NDFIP1: variants seen among roughly 807,000 people sequenced by gnomAD.
The protein encoded by NDFIP1 is NEDD4 family-interacting protein 1.
In NDFIP1, 7 loss-of-function variants were observed where a neutral mutation model predicts 28.8. The ratio of observed to expected loss-of-function variants is 0.24; its 90% confidence interval spans 0.14 to 0.46. NDFIP1 has a LOEUF of 0.46. Among genes scored for constraint, NDFIP1 ranks in the 20% least tolerant of loss-of-function variants. NDFIP1 has a pLI of 0.99. For synonymous variants in NDFIP1, 92 were observed against 101.0 expected (o/e 0.91, Z 0.53); for missense variants, 194 against 269.1 (o/e 0.72, Z 1.95).
At chr5:142,142,940 A>ATAT (rs1554092158) in intron 6 of NDFIP1, 13 of 38,150 alleles carry the variant, frequency 3.4e-4, no homozygotes, top group African/African-American at 1.3e-3. Flanking sequence ...AAAAAAAAAA[A>ATAT]ATATATATAT....
At chr5:142,119,319 A>C (rs1294098092) in intron 1 of NDFIP1, among the ~76,000 whole-genome samples, 1 of 152,190 alleles carries the variant, frequency 6.6e-6, no homozygotes. Context: ...TTATTAACCC[A>C]CACCCCTGTG....
chr5:142,113,479 GCCTACATGGT>G (rs1267958765), intron 1 of NDFIP1, among the ~76,000 whole-genome samples: 41 of 152,260 alleles, frequency 2.7e-4, no homozygotes, highest in Admixed American at 1.8e-3. Context: ...TGTATTTGTG[GCCTACATGGT>G]CAGTGATCAA....
At chr5:142,124,158 CT>C (rs1291574377) in intron 1 of NDFIP1, among the ~76,000 whole-genome samples, 1 of 152,134 alleles carries the variant, frequency 6.6e-6, no homozygotes, top group East Asian at 1.9e-4. Context: ...TTGATAATAT[CT>C]TGGTGGAGCC....
At chr5:142,128,004 A>G (rs1407135419) in intron 1 of NDFIP1, among the ~76,000 whole-genome samples, 1 of 152,176 alleles carries the variant, frequency 6.6e-6, no homozygotes, top group African/African-American at 2.4e-5. Flanking sequence ...CAGAAATTAT[A>G]TGACAGGAAA....
rs1038013205 is a variant in NDFIP1, at chr5:142,114,385, G to A, written c.63+5348G>A. On this transcript the variant is annotated intron_variant, in intron 1 of 7. Coordinates refer to ENST00000253814, the MANE Select transcript of NDFIP1 (RefSeq NM_030571.4). ...TTCTTTAGAGAAAATGTGTATTCAT[G>A]TTCTTTGTTCATTTTTGAATTGAGT... 2.6e-5 allele frequency among the ~76,000 whole-genome samples: 4 copies of A among 152,074 alleles called. No homozygotes were observed. The South Asian group carries it at 8.3e-4, about 31-fold the overall frequency.
At chr5:142,122,007 C>A (rs1356515858) in intron 1 of NDFIP1, among the ~76,000 whole-genome samples, 1 of 152,182 alleles carries the variant, frequency 6.6e-6, no homozygotes, top group Admixed American at 6.5e-5. Context: ...CACTATTCCT[C>A]GTACAGTCTT....
chr5:142,153,537 G>A lies in NDFIP1; in HGVS notation c.*1809G>A. 1 of 337,174 alleles carries A rather than the reference G, an allele frequency of 3.0e-6. No homozygotes were observed. Among genetic ancestry groups the A allele is most frequent in the Non-Finnish European group, 6.1e-6 (1 of 163,494 alleles). 20.9% of individuals were successfully genotyped at this position (337,174 alleles called of 1,614,324 possible). A position where few individuals can be genotyped will look rare whatever the true frequency, so the allele number is the denominator to read the frequency against. On this transcript the variant is annotated 3_prime_UTR_variant, in exon 8 of 8. Coordinates refer to ENST00000253814, the MANE Select transcript of NDFIP1 (RefSeq NM_030571.4). ...AGTTTATGGATTATTATGAATAATAGTGTAGTGTGTTCTTTTTCAGAAGTT... is the reference window on the plus strand; with the variant it reads ...AGTTTATGGATTATTATGAATAATAATGTAGTGTGTTCTTTTTCAGAAGTT...
intron 1 of NDFIP1, among the ~76,000 whole-genome samples, chr5:142,121,005 T>G (rs1757117378): frequency 6.6e-6 from 1 of 152,196 alleles, no homozygotes; most frequent in Non-Finnish European, 1.5e-5. Context: ...TTGGAACTTC[T>G]CACTATCAGA....
chr5:142,151,259 G>A (rs1757444103), intron 7 of NDFIP1, among the ~76,000 whole-genome samples: 1 of 152,182 alleles, frequency 6.6e-6, no homozygotes, highest in Non-Finnish European at 1.5e-5. Flanking sequence ...CTCGGTTGAG[G>A]TATAGCATGA....
chr5:142,139,229 A>T (rs532539162), intron 5 of NDFIP1, among the ~76,000 whole-genome samples: 1 of 152,152 alleles, frequency 6.6e-6, no homozygotes, highest in African/African-American at 2.4e-5. Flanking sequence ...CAAAAAAAAA[A>T]AAAAAGTTAA....
intron 1 of NDFIP1, among the ~76,000 whole-genome samples, chr5:142,115,705 C>G (rs1242504228): frequency 6.6e-6 from 1 of 152,040 alleles, no homozygotes; most frequent in East Asian, 1.9e-4. Context: ...ATAAGCTAGG[C>G]AACTGGCAAA....
rs1276674875 is a variant in NDFIP1, at chr5:142,132,300, G to C, written c.240G>C (p.Glu80Asp). 6.2e-7 allele frequency: 1 copy of C among 1,614,196 alleles called. No individual in the cohort carries two copies. Among genetic ancestry groups the C allele is most frequent in the South Asian group, 1.1e-5 (1 of 91,078 alleles). Residue 80 changes from glutamate (E) to aspartate (D), a missense_variant, in exon 3 of 8, where the codon GAG becomes GAC. Coordinates refer to ENST00000253814, the MANE Select transcript of NDFIP1 (RefSeq NM_030571.4). The part of the protein sequence containing the change: ...ATTLPSYDEA[E>D]RTKAEATIPL... ...CACTGCCCAGTTATGATGAAGCGGA[G>C]AGGACCAAGGCTGAAGCTACTATCC...
At chr5:142,124,922 T>G (rs969556425) in intron 1 of NDFIP1, among the ~76,000 whole-genome samples, 4 of 151,582 alleles carry the variant, frequency 2.6e-5, no homozygotes, top group African/African-American at 9.7e-5. Flanking sequence ...ACCTCCCGGG[T>G]TCACACCATT....
Position 142,152,401 on chromosome 5 carries a change from T to A in NDFIP1, c.*673T>A, listed in dbSNP as rs1757455877. The A allele has an allele frequency of 6.6e-6, 1 of 152,342 alleles. No homozygotes were observed. The highest frequency in any genetic ancestry group is 2.4e-5 in the African/African-American group (1 of 41,440). 9.4% of individuals were successfully genotyped at this position (152,342 alleles called of 1,614,324 possible). A position where few individuals can be genotyped will look rare whatever the true frequency, so the allele number is the denominator to read the frequency against. ...AGGGATTCTAAAGGTGTTGTCACTG[T>A]ATAAAACAGAAAGCACTAGGATACA... is the stretch of plus-strand genomic sequence containing the variant. On this transcript the variant is annotated 3_prime_UTR_variant, in exon 8 of 8. Transcript: ENST00000253814.
intron 1 of NDFIP1, among the ~76,000 whole-genome samples, chr5:142,120,112 T>C (rs1207046602): frequency 6.6e-6 from 1 of 152,118 alleles, no homozygotes; most frequent in African/African-American, 2.4e-5. Flanking sequence ...CGCACCACAA[T>C]GTCCAGCTAA....
Position 142,112,944 on chromosome 5 carries a change from C to G in NDFIP1, c.63+3907C>G, listed in dbSNP as rs116873783. On this transcript the variant is annotated intron_variant, in intron 1 of 7. Transcript: ENST00000253814. ...ATACTGAGTGCTGAGAAACCTGTTG[C>G]GTGTTTCTCTCTCTGAGGACGTTAA... is the stretch of plus-strand genomic sequence containing the variant. 4.7e-4 allele frequency among the ~76,000 whole-genome samples: 72 copies of G among 152,104 alleles called. 1 individual carries two copies. The East Asian group carries it at 0.013, about 27-fold the overall frequency.
intron 3 of NDFIP1, among the ~76,000 whole-genome samples, chr5:142,134,957 G>A (rs996703407): frequency 2.0e-5 from 3 of 151,926 alleles, no homozygotes; most frequent in Non-Finnish European, 4.4e-5. Context: ...TATCAGCCTC[G>A]TAAAGCACTT....
At chr5:142,139,537 A>T (rs1037507411) in intron 5 of NDFIP1, among the ~76,000 whole-genome samples, 21 of 152,048 alleles carry the variant, frequency 1.4e-4, no homozygotes, top group East Asian at 1.9e-4. Context: ...AGAACTATTT[A>T]AAAAAAAATT....
At position 142,108,927 on chromosome 5, in the gene NDFIP1, T is replaced by C; in HGVS notation, c.-48T>C. The C allele has an allele frequency of 7.1e-7, 1 of 1,399,512 alleles. No individual in the cohort carries two copies. The highest frequency in any genetic ancestry group is 1.5e-5 in the South Asian group (1 of 67,936). 86.7% of individuals were successfully genotyped at this position (1,399,512 alleles called of 1,614,324 possible). A position where few individuals can be genotyped will look rare whatever the true frequency, so the allele number is the denominator to read the frequency against. On this transcript the variant is annotated 5_prime_UTR_variant, in exon 1 of 8. Coordinates refer to ENST00000253814, the MANE Select transcript of NDFIP1 (RefSeq NM_030571.4). ...TCCCAAGCCGCAGCGGCCGCGCCCC[T>C]TCAGCTAGCTCGCTCGCTCGCTCTG...
Sources: allele counts gnomAD v4.1 joint callset (sites outside exome capture counted in the v4.1 genomes callset), GRCh38; gene constraint gnomAD v4.1.1; transcripts MANE v1.5; gene names NCBI Gene and HGNC (gene_info 2026-07-23, HGNC 2026-07-21).